LIPC: variants seen among roughly 807,000 people sequenced by gnomAD.
The protein encoded by LIPC is hepatic triacylglycerol lipase.
In LIPC, 44 loss-of-function variants were observed where a neutral mutation model predicts 50.7. That is an observed-to-expected ratio of 0.87 (90% CI 0.68 to 1.11). LIPC has a LOEUF of 1.11. Ranked by LOEUF, LIPC falls within the 50% of genes most tolerant of loss-of-function variation. The pLI is 0.00. For missense variants in LIPC, 697 were observed against 648.2 expected (o/e 1.08, Z -0.82); for synonymous variants, 271 against 256.4 (o/e 1.06, Z -0.54).
At chr15:58,481,712 T>C (rs538190813) in intron 1 of LIPC, among the ~76,000 whole-genome samples, 5 of 152,304 alleles carry the variant, frequency 3.3e-5, no homozygotes, top group African/African-American at 1.2e-4. Flanking sequence ...GCAGGGAGAA[T>C]TGCTTGAACC....
intron 1 of LIPC, among the ~76,000 whole-genome samples, chr15:58,496,568 A>T (rs1891771525): frequency 6.6e-6 from 1 of 152,112 alleles, no homozygotes; most frequent in Non-Finnish European, 1.5e-5. Flanking sequence ...AACACTATAA[A>T]TCAAGACCTC....
chr15:58,495,087 T>C (rs1490867729), intron 1 of LIPC, among the ~76,000 whole-genome samples: 1 of 152,160 alleles, frequency 6.6e-6, no homozygotes, highest in Non-Finnish European at 1.5e-5. Flanking sequence ...GAAGACTTTC[T>C]CACCAGGGAA....
chr15:58,459,030 A>G (rs1392537841), intron 1 of LIPC, among the ~76,000 whole-genome samples: 3 of 152,206 alleles, frequency 2.0e-5, no homozygotes, highest in Non-Finnish European at 2.9e-5. Flanking sequence ...TGAGAAGGCT[A>G]TACATCTCCC....
intron 1 of LIPC, among the ~76,000 whole-genome samples, chr15:58,502,899 C>T (rs1892033621): frequency 6.7e-6 from 1 of 149,778 alleles, no homozygotes; most frequent in Admixed American, 6.7e-5. Flanking sequence ...AAGCAACTCT[C>T]AGCCTGTAGA....
intron 1 of LIPC, among the ~76,000 whole-genome samples, chr15:58,493,477 A>T (rs1891653677): frequency 6.6e-6 from 1 of 151,112 alleles, no homozygotes; most frequent in Admixed American, 6.6e-5. Context: ...TAAAATATAT[A>T]TATATTTTTT....
chr15:58,432,842 T>C (rs568781759), intron 1 of LIPC, among the ~76,000 whole-genome samples: 11 of 152,192 alleles, frequency 7.2e-5, no homozygotes, highest in Non-Finnish European at 1.3e-4. Flanking sequence ...GAATTTGTTT[T>C]GGTACTGGTT....
At chr15:58,466,280 T>G (rs1894560398) in intron 1 of LIPC, among the ~76,000 whole-genome samples, 1 of 152,246 alleles carries the variant, frequency 6.6e-6, no homozygotes, top group African/African-American at 2.4e-5. Context: ...GGGTGACTCA[T>G]AGAGAGTGAT....
Position 58,563,719 on chromosome 15 carries a change from C to A in LIPC, c.1384C>A (p.Gln462Lys). Residue 462 changes from glutamine to lysine, a missense_variant, in exon 8 of 9, where the codon CAA (glutamine) becomes AAA (lysine). Gln to Lys is a moderately conservative substitution (Grantham distance 53). Coordinates refer to ENST00000299022, the MANE Select transcript of LIPC (RefSeq NM_000236.3). Reference sequence around the variant, plus strand: ...CAGAGTCAAAGCAGGAGAAACCCAGCAAAGGTGACTGCTGATTCAATCTCC... The same window carrying A: ...CAGAGTCAAAGCAGGAGAAACCCAGAAAAGGTGACTGCTGATTCAATCTCC... ...TIRVKAGETQ[Q>K]RMTFCSENTD... is the part of the protein sequence containing the mutation. 3 of 1,612,262 alleles carry A rather than the reference C, an allele frequency of 1.9e-6. No individual in the cohort carries two copies. Among genetic ancestry groups the A allele is most frequent in the Non-Finnish European group, 2.5e-6 (3 of 1,179,614 alleles).
intron 1 of LIPC, chr15:58,494,999 C>T (rs1229335308): frequency 4.9e-6 from 2 of 404,458 alleles, no homozygotes; most frequent in African/African-American, 4.1e-5. Context: ...TTCCACCGGT[C>T]CTTCCCTCCC....
At chr15:58,439,400 T>C (rs1893426282) in intron 1 of LIPC, among the ~76,000 whole-genome samples, 1 of 152,200 alleles carries the variant, frequency 6.6e-6, no homozygotes. Flanking sequence ...TCAGTGATCC[T>C]GGAACTGTAG....
At position 58,548,343 on chromosome 15, in the gene LIPC, C is replaced by G; in HGVS notation, c.822C>G (p.Thr274=). ...CCTGTGTTCCAGCCATCACCCAGAC[C>G]ATAAAATGCTCCCACGAGCGATCGG... The part of the protein sequence containing the change: ...AQHGFNAITQ[T]IKCSHERSVH... The change falls in exon 6 of 9, where the codon ACC becomes ACG. Residue 274 remains threonine, a synonymous_variant. Transcript: ENST00000299022. The G allele has an allele frequency of 6.2e-7, 1 of 1,614,098 alleles. No homozygotes were observed. Among genetic ancestry groups the G allele is most frequent in the South Asian group, 1.1e-5 (1 of 91,072 alleles).
chr15:58,499,409 G>A (rs1040626711), intron 1 of LIPC, among the ~76,000 whole-genome samples: 1 of 152,142 alleles, frequency 6.6e-6, no homozygotes, highest in Non-Finnish European at 1.5e-5. Context: ...CAATCTCCCA[G>A]GCCCTAAACT....
chr15:58,499,595 G>A (rs1393007200), intron 1 of LIPC, among the ~76,000 whole-genome samples: 2 of 152,072 alleles, frequency 1.3e-5, no homozygotes, highest in African/African-American at 2.4e-5. Context: ...AACCCTATAA[G>A]TTGATCCCAG....
At position 58,545,975 on chromosome 15, in the gene LIPC, G is replaced by A; in HGVS notation, c.808G>A (p.Ala270Thr). Residue 270 changes from alanine (A) to threonine (T), a missense_variant and splice_region_variant, in exon 5 of 9, where the codon GCC becomes ACC. Transcript: ENST00000299022. ...ACATATTGCCCAGCACGGCTTCAAT[G>A]GTGAGAATGAAGTCATGGGCCGGGA... ...YRHIAQHGFN[A>T]ITQTIKCSHE... is the part of the protein sequence containing the mutation. 1.2e-6 allele frequency: 2 copies of A among 1,610,390 alleles called. No individual in the cohort carries two copies. The highest frequency in any genetic ancestry group is 1.7e-6 in the Non-Finnish European group (2 of 1,176,560).
intron 1 of LIPC, among the ~76,000 whole-genome samples, chr15:58,510,352 T>A (rs371829584): frequency 3.3e-5 from 5 of 152,236 alleles, no homozygotes; most frequent in African/African-American, 1.2e-4. Context: ...CCTTTTTGAG[T>A]GGCAGTGCAT....
At chr15:58,446,893 C>T (rs1328635344) in intron 1 of LIPC, among the ~76,000 whole-genome samples, 3 of 152,044 alleles carry the variant, frequency 2.0e-5, no homozygotes, top group Admixed American at 2.0e-4. Context: ...ATGCCTGTAA[C>T]CACAGCACTT....
At chr15:58,488,453 T>C (rs778302229) in intron 1 of LIPC, among the ~76,000 whole-genome samples, 5 of 152,252 alleles carry the variant, frequency 3.3e-5, no homozygotes, top group Admixed American at 2.6e-4. Context: ...GCTAGGTGTT[T>C]GGAAGAGTCA....
intron 1 of LIPC, among the ~76,000 whole-genome samples, chr15:58,462,607 T>G (rs1235766566): frequency 6.6e-6 from 1 of 152,168 alleles, no homozygotes; most frequent in East Asian, 1.9e-4. Context: ...CTGTTTCCAC[T>G]TAGATAAATT....
At chr15:58,447,147 CAAAAAAAAAAA>C (rs34289431) in intron 1 of LIPC, among the ~76,000 whole-genome samples, 5 of 62,336 alleles carry the variant, frequency 8.0e-5, no homozygotes, top group Non-Finnish European at 1.5e-4. Flanking sequence ...GACTCCATCT[CAAAAAAAAAAA>C]AAAAAAAAAA....
Sources: allele counts gnomAD v4.1 joint callset (sites outside exome capture counted in the v4.1 genomes callset), GRCh38; gene constraint gnomAD v4.1.1; transcripts MANE v1.5; gene names NCBI Gene and HGNC (gene_info 2026-07-23, HGNC 2026-07-21).